Variants in XKR4 observed in about 807,000 individuals in gnomAD.
The protein encoded by XKR4 is XK-related protein 4.
A neutral mutation model predicts 53.9 loss-of-function variants in XKR4; 12 were observed. That is an observed-to-expected ratio of 0.22 (90% CI 0.14 to 0.36). The LOEUF is 0.36. Ranked by LOEUF, XKR4 falls within the 10% of genes least tolerant of loss-of-function variation. The probability of loss-of-function intolerance (pLI) is 1.00; values close to 1 mark genes in which losing one functional copy is unlikely to be tolerated. For synonymous variants in XKR4, 354 were observed against 362.4 expected (o/e 0.98, Z 0.26); for missense variants, 799 against 859.5 (o/e 0.93, Z 0.88).
intron 2 of XKR4, among the ~76,000 whole-genome samples, chr8:55,424,935 C>T (rs1194832169): frequency 2.6e-5 from 4 of 152,128 alleles, no homozygotes; most frequent in South Asian, 2.1e-4. Flanking sequence ...TTAGCTGCCA[C>T]GGTTTAAAAA....
chr8:55,112,066 G>A (rs1482086959), intron 1 of XKR4, among the ~76,000 whole-genome samples: 1 of 152,154 alleles, frequency 6.6e-6, no homozygotes, highest in Non-Finnish European at 1.5e-5. Context: ...GAAATCTGAT[G>A]TGAAGCTGAA....
At chr8:55,520,890 A>G (rs1806787656) in intron 2 of XKR4, 1 of 152,266 alleles carries the variant, frequency 6.6e-6, no homozygotes, top group African/African-American at 2.4e-5. Context: ...CTGACAACAG[A>G]TCATATCATC....
In XKR4 at chr8:55,103,139, T is replaced by A. The variant is rs1304659416; in HGVS notation, c.651T>A (p.Ser217=). 2 of 1,613,760 alleles carry A rather than the reference T, an allele frequency of 1.2e-6. No individual in the cohort carries two copies. The highest frequency in any genetic ancestry group is 1.7e-6 in the Non-Finnish European group (2 of 1,180,040). ...ARPSTPQRQA[S]NASKSNIAAA... ...CTTCCACGCCGCAAAGGCAAGCATC[T>A]AACGCCAGCAAGAGCAACATCGCCG... The change falls in exon 1 of 3, where the codon TCT becomes TCA. Residue 217 remains serine (S), a synonymous_variant. Transcript: ENST00000327381.
intron 2 of XKR4, chr8:55,455,043 C>A: frequency 1.4e-6 from 1 of 734,430 alleles, no homozygotes; most frequent in Non-Finnish European, 2.5e-6. Context: ...CAGTCCTTCT[C>A]CGGGAAGAAC....
At position 55,245,387 on chromosome 8, in the gene XKR4, GA is replaced by G. The variant is rs569107072; in HGVS notation, c.807-112287del. On this transcript the variant is annotated intron_variant, in intron 1 of 2. Coordinates refer to ENST00000327381, the MANE Select transcript of XKR4 (RefSeq NM_052898.2). ...CATTCATATTCTTTTTGTAGCGGGG[GA>G]AAATTACATATATATTTAATAATCC... Among the ~76,000 whole-genome samples, 67 of 151,948 alleles carry G rather than the reference GA, an allele frequency of 4.4e-4. No individual in the cohort carries two copies. The East Asian group carries it at 8.7e-3, about 20-fold the overall frequency.
intron 2 of XKR4, among the ~76,000 whole-genome samples, chr8:55,458,756 G>C (rs1375943970): frequency 1.3e-5 from 2 of 152,172 alleles, no homozygotes; most frequent in Admixed American, 1.3e-4. Flanking sequence ...GCTTCTCACT[G>C]ACATCAAGCT....
At position 55,523,360 on chromosome 8, in the gene XKR4, T is replaced by G. The variant is rs775795877; in HGVS notation, c.1086T>G (p.Asp362Glu). Residue 362 changes from aspartate to glutamate, a missense_variant, in exon 3 of 3, where the codon GAT (aspartate) becomes GAG (glutamate). Physicochemically the swap from Asp to Glu is conservative, Grantham distance 45. Transcript: ENST00000327381. ...AGAAGGCCCTCCGGGACTCTCGAGA[T>G]GACAAGAAGCCCATCAGCTACATGG... ...SYQKALRDSR[D>E]DKKPISYMAV... 4.0e-5 allele frequency: 64 copies of G among 1,614,202 alleles called. No homozygotes were observed. The Admixed American group carries it at 1.0e-3, about 25-fold the overall frequency.
chr8:55,486,697 T>C (rs1359259893), intron 2 of XKR4, among the ~76,000 whole-genome samples: 1 of 152,234 alleles, frequency 6.6e-6, no homozygotes, highest in Non-Finnish European at 1.5e-5. Flanking sequence ...GGTTGGGGCC[T>C]ACAAATTTTG....
intron 2 of XKR4, among the ~76,000 whole-genome samples, chr8:55,462,440 C>A (rs1805674790): frequency 6.6e-6 from 1 of 152,122 alleles, no homozygotes; most frequent in South Asian, 2.1e-4. Flanking sequence ...ATTTTGTCAC[C>A]ACCAGGCCTG....
At position 55,136,410 on chromosome 8, in the gene XKR4, G is replaced by A. The variant is rs115791175; in HGVS notation, c.806+33116G>A. Among the ~76,000 whole-genome samples the A allele has an allele frequency of 4.5e-3, 683 of 152,270 alleles. 8 individuals are homozygous for A. The highest frequency in any genetic ancestry group is 0.016 in the African/African-American group (655 of 41,546). Reference sequence around the variant, plus strand: ...CCTCAGTTTCATGACTGCTTTTTAAGCATTTTAAACAAAGATCATATCCTT... The same window carrying A: ...CCTCAGTTTCATGACTGCTTTTTAAACATTTTAAACAAAGATCATATCCTT... On this transcript the variant is annotated intron_variant, in intron 1 of 2. Transcript: ENST00000327381.
intron 2 of XKR4, among the ~76,000 whole-genome samples, chr8:55,361,720 G>A (rs1375696477): frequency 6.6e-6 from 1 of 152,028 alleles, no homozygotes; most frequent in African/African-American, 2.4e-5. Context: ...AGGCCTTTGT[G>A]TCACAGCCTT....
intron 1 of XKR4, among the ~76,000 whole-genome samples, chr8:55,106,480 A>G (rs930665945): frequency 2.0e-5 from 3 of 152,144 alleles, no homozygotes; most frequent in African/African-American, 7.2e-5. Flanking sequence ...CTTTAAAGGA[A>G]CTGTGCCTGT....
rs1806957544 is a variant in XKR4 at position 55,531,780 on chromosome 8, C to G, written c.*7553C>G. Reference sequence around the variant, plus strand: ...TGACTTCTCTGATTTTTCAAGAAAGCATTCTTCACTAACTGTATTTCTCCA... The same window carrying G: ...TGACTTCTCTGATTTTTCAAGAAAGGATTCTTCACTAACTGTATTTCTCCA... On this transcript the variant is annotated 3_prime_UTR_variant, in exon 3 of 3. Transcript: ENST00000327381. 6.6e-6 allele frequency: 1 copy of G among 152,188 alleles called. No individual in the cohort carries two copies. Among genetic ancestry groups the G allele is most frequent in the Admixed American group, 6.5e-5 (1 of 15,280 alleles). 9.4% of individuals were successfully genotyped at this position (152,188 alleles called of 1,614,324 possible). A position where few individuals can be genotyped will look rare whatever the true frequency, so the allele number is the denominator to read the frequency against.
intron 1 of XKR4, among the ~76,000 whole-genome samples, chr8:55,349,284 C>CA (rs1325281084): frequency 7.9e-5 from 12 of 152,038 alleles, no homozygotes; most frequent in Admixed American, 7.9e-4. Context: ...TGTCTCTCAG[C>CA]AAAAAAGTAC....
Position 55,411,874 on chromosome 8 carries a change from G to T in XKR4, c.1006+53997G>T, listed in dbSNP as rs76298718. Among the ~76,000 whole-genome samples, 923 of 152,268 alleles carry T rather than the reference G, an allele frequency of 6.1e-3. 8 individuals are homozygous for T. Among genetic ancestry groups the T allele is most frequent in the African/African-American group, 0.021 (878 of 41,554 alleles). On this transcript the variant is annotated intron_variant, in intron 2 of 2. Transcript: ENST00000327381. Reference sequence around the variant, plus strand: ...AGCCACCCATGAAGGACAGTGACGAGAAATCCTGTCAGCTAAAGACAACTA... The same window carrying T: ...AGCCACCCATGAAGGACAGTGACGATAAATCCTGTCAGCTAAAGACAACTA...
chr8:55,398,385 G>A (rs914752538), intron 2 of XKR4, among the ~76,000 whole-genome samples: 1 of 152,104 alleles, frequency 6.6e-6, no homozygotes, highest in East Asian at 1.9e-4. Flanking sequence ...TTGGTCCAGG[G>A]TTGTCATTCT....
intron 1 of XKR4, among the ~76,000 whole-genome samples, chr8:55,135,957 G>A (rs964416694): frequency 1.3e-5 from 2 of 150,556 alleles, no homozygotes; most frequent in African/African-American, 4.9e-5. Context: ...GCAGTGGCAC[G>A]ATCTTGGCTC....
intron 2 of XKR4, among the ~76,000 whole-genome samples, chr8:55,408,217 C>A (rs2129390829): frequency 6.6e-6 from 1 of 152,276 alleles, no homozygotes; most frequent in South Asian, 2.1e-4. Flanking sequence ...TATATACCAC[C>A]AGCTCTTTTA....
At chr8:55,411,536 G>A (rs1181618048) in intron 2 of XKR4, among the ~76,000 whole-genome samples, 8 of 152,222 alleles carry the variant, frequency 5.3e-5, no homozygotes, top group African/African-American at 1.9e-4. Context: ...AATGATGTGA[G>A]GTTGGAATGT....
Sources: allele counts gnomAD v4.1 joint callset (sites outside exome capture counted in the v4.1 genomes callset), GRCh38; gene constraint gnomAD v4.1.1; transcripts MANE v1.5; gene names NCBI Gene and HGNC (gene_info 2026-07-23, HGNC 2026-07-21).